Variants in PITPNM2 observed in about 807,000 individuals in gnomAD.
PITPNM2 encodes phosphatidylinositol transfer protein membrane associated 2, also known as membrane-associated phosphatidylinositol transfer protein 2.
Under a neutral mutation model 132.2 loss-of-function variants are expected in PITPNM2, and 35 were observed. That is an observed-to-expected ratio of 0.26 (90% confidence interval 0.20 to 0.35). PITPNM2 has a LOEUF of 0.35. Ranked by LOEUF, PITPNM2 falls within the 10% of genes least tolerant of loss-of-function variation. PITPNM2 has a pLI of 1.00. For synonymous variants in PITPNM2, 738 were observed against 799.2 expected, an observed-to-expected ratio of 0.92 and a Z score of 1.29; for missense variants, 1,332 against 1,912.0, an observed-to-expected ratio of 0.70 and a Z score of 5.66.
chr12:123,048,173 A>G (rs1270604297), intron 2 of PITPNM2, among the ~76,000 whole-genome samples: 1 of 152,116 alleles, frequency 6.6e-6, no homozygotes, highest in Admixed American at 6.6e-5. Context: ...GGTGGGGGGA[A>G]CCTGATGGGA....
rs140741400 is a variant in PITPNM2 at position 122,997,543 on chromosome 12, C to T, written c.1254G>A (p.Pro418=). 4.2e-5 allele frequency: 67 copies of T among 1,612,368 alleles called. No homozygotes were observed. Among genetic ancestry groups the T allele is most frequent in the Admixed American group, 1.7e-4 (10 of 60,018 alleles). ...GTAGCAGCACGTGGATCTTGGAGGG[C>T]GGTGCAGCCAGCGGCTGGCTAACCT... ...EDEVSQPLAA[P]PSKIHVLLLV... Residue 418 remains proline (P), a synonymous_variant, in exon 11 of 26, where the codon CCG becomes CCA. Transcript: ENST00000320201.
At chr12:123,126,969 G>A (rs2043151846) in intron 1 of PITPNM2, among the ~76,000 whole-genome samples, 1 of 152,266 alleles carries the variant, frequency 6.6e-6, no homozygotes, top group African/African-American at 2.4e-5. Context: ...CTGGGGTCTC[G>A]TCCAAACACT....
At chr12:122,987,249 A>G in intron 23 of PITPNM2, 32 bp downstream of exon 23, 1 of 1,606,580 alleles carries the variant, frequency 6.2e-7, no homozygotes, top group Non-Finnish European at 8.5e-7. Context: ...CCACCTTGCT[A>G]CAGCCCCTTT....
chr12:122,988,216 C>A lies in PITPNM2; in HGVS notation c.2997+18G>T, dbSNP rs368394366. 1.2e-6 allele frequency: 2 copies of A among 1,604,616 alleles called. No individual in the cohort carries two copies. The highest frequency in any genetic ancestry group is 2.7e-5 in the African/African-American group (2 of 74,792). Reference sequence around the variant, plus strand: ...CAGGGTGACATCGTGGGGGCCTGGGCGCCCGGGGGACCCTCACCCGCAGCT... The same window carrying A: ...CAGGGTGACATCGTGGGGGCCTGGGAGCCCGGGGGACCCTCACCCGCAGCT... On this transcript the variant is annotated intron_variant, in intron 20 of 25. Coordinates refer to ENST00000320201, the MANE Select transcript of PITPNM2 (RefSeq NM_020845.3).
chr12:123,018,073 C>CTCTCTT (rs953806838), intron 3 of PITPNM2, among the ~76,000 whole-genome samples: 1 of 135,072 alleles, frequency 7.4e-6, no homozygotes, highest in East Asian at 2.5e-4. Context: ...CTCTCTCTCT[C>CTCTCTT]TCTCTTTCTC....
chr12:123,125,121 C>G (rs2043111643), intron 1 of PITPNM2, among the ~76,000 whole-genome samples: 1 of 152,142 alleles, frequency 6.6e-6, no homozygotes, highest in Non-Finnish European at 1.5e-5. Context: ...CCATGCCCAG[C>G]TAATTTTTGT....
intron 23 of PITPNM2, among the ~76,000 whole-genome samples, 171 bp from the exon 24 acceptor site, chr12:122,987,000 C>T (rs1333710434): frequency 1.3e-5 from 2 of 152,268 alleles, no homozygotes; most frequent in East Asian, 1.9e-4. Context: ...CTTGGGTGCC[C>T]GCACTGGGCG....
chr12:123,050,914 C>A (rs546808894), intron 2 of PITPNM2, among the ~76,000 whole-genome samples: 5 of 152,192 alleles, frequency 3.3e-5, no homozygotes, highest in Non-Finnish European at 5.9e-5. Flanking sequence ...ATTTGGAAAG[C>A]CCCATGGGCA....
At chr12:122,990,184 C>T (rs2038125891) in intron 17 of PITPNM2, among the ~76,000 whole-genome samples, 1 of 152,260 alleles carries the variant, frequency 6.6e-6, no homozygotes, top group South Asian at 2.1e-4. Flanking sequence ...GGGCGCAGCC[C>T]CTGGCGGGGA....
Position 123,008,014 on chromosome 12 carries a change from G to A in PITPNM2, c.643+1836C>T, listed in dbSNP as rs750854889. On this transcript the variant is annotated intron_variant, in intron 6 of 25. Coordinates refer to ENST00000320201, the MANE Select transcript of PITPNM2 (RefSeq NM_020845.3). The surrounding 1 kb of genome is among the most constrained non-coding windows in gnomAD (Gnocchi z 4.1). Reference sequence around the variant, plus strand: ...ACCCCATCTTCAGTTCTGAACCCACGGTCTCGGCCCACAACAGTCCGATAG... The same window carrying A: ...ACCCCATCTTCAGTTCTGAACCCACAGTCTCGGCCCACAACAGTCCGATAG... Among the ~76,000 whole-genome samples, 4 of 152,154 alleles carry A rather than the reference G, an allele frequency of 2.6e-5. No individual in the cohort carries two copies. Among genetic ancestry groups the A allele is most frequent in the East Asian group, 1.9e-4 (1 of 5,192 alleles).
At chr12:123,110,693 C>T (rs2042817479) in intron 1 of PITPNM2, among the ~76,000 whole-genome samples, 2 of 152,200 alleles carry the variant, frequency 1.3e-5, no homozygotes, top group Admixed American at 1.3e-4. Context: ...GTGACAGATA[C>T]ACCCCAACAT....
At chr12:123,142,463 C>T (rs2043525097) in intron 1 of PITPNM2, among the ~76,000 whole-genome samples, 1 of 152,146 alleles carries the variant, frequency 6.6e-6, no homozygotes, top group African/African-American at 2.4e-5. Flanking sequence ...AGAGTGCTTT[C>T]AGAATTCTTG....
rs571693213 is a variant in PITPNM2 at position 123,126,328 on chromosome 12, A to C, written c.-199-15840T>G. 3.3e-5 allele frequency among the ~76,000 whole-genome samples: 5 copies of C among 152,264 alleles called. No individual in the cohort carries two copies. In the South Asian group the frequency reaches 1.0e-3, roughly 32 times the overall value. On this transcript the variant is annotated intron_variant, in intron 1 of 25. Coordinates refer to ENST00000320201, the MANE Select transcript of PITPNM2 (RefSeq NM_020845.3). ...TAAGCTTGGGAATTCTTGCCCTATT[A>C]ACCTCTCACTCTTGCCCTACTATTC...
chr12:123,044,643 C>A (rs2040594339), intron 2 of PITPNM2, among the ~76,000 whole-genome samples: 1 of 152,174 alleles, frequency 6.6e-6, no homozygotes, highest in Non-Finnish European at 1.5e-5. Flanking sequence ...GTGCTTACTC[C>A]TCTGGGCCAG....
At chr12:123,088,048 TTCGTG>T (rs2042162770) in intron 2 of PITPNM2, 1 of 152,228 alleles carries the variant, frequency 6.6e-6, no homozygotes, top group Non-Finnish European at 1.5e-5. Flanking sequence ...CTGTTCACAC[TTCGTG>T]TCGAGTCCAG....
At chr12:123,066,615 C>T (rs1403412629) in intron 2 of PITPNM2, among the ~76,000 whole-genome samples, 3 of 152,162 alleles carry the variant, frequency 2.0e-5, no homozygotes, top group Admixed American at 2.0e-4. Context: ...GCTTAACCAC[C>T]CCCTGGGATG....
In PITPNM2 at chr12:122,984,471, A is replaced by G. The variant is rs926562130; in HGVS notation, c.*1556T>C. On this transcript the variant is annotated 3_prime_UTR_variant, in exon 26 of 26. Transcript: ENST00000320201. Reference sequence around the variant, plus strand: ...CGTTGCTTTATACATAATGCCTGAAACAACAAAAAGCTACATCTTAAATAT... The same window carrying G: ...CGTTGCTTTATACATAATGCCTGAAGCAACAAAAAGCTACATCTTAAATAT... 1 of 152,590 alleles carries G rather than the reference A, an allele frequency of 6.6e-6. No homozygotes were observed. Among genetic ancestry groups the G allele is most frequent in the African/African-American group, 2.4e-5 (1 of 41,472 alleles). 9.5% of individuals were successfully genotyped at this position (152,590 alleles called of 1,614,324 possible).
At chr12:123,035,194 A>G (rs76008039) in intron 2 of PITPNM2, among the ~76,000 whole-genome samples, 2 of 152,354 alleles carry the variant, frequency 1.3e-5, no homozygotes, top group East Asian at 3.8e-4. Flanking sequence ...GAGTGATTTA[A>G]CGTTTGGTTT....
intron 5 of PITPNM2, among the ~76,000 whole-genome samples, 185 bp downstream of exon 5, chr12:123,012,428 T>C (rs1474809639): frequency 6.6e-6 from 1 of 152,122 alleles, no homozygotes; most frequent in Admixed American, 6.5e-5. Context: ...ATCAGGAGAA[T>C]GGGGCTGAGA....
Sources: gnomAD v4.1 joint callset for allele counts (sites outside exome capture counted in the v4.1 genomes callset) on GRCh38, gnomAD v4.1.1 for gene constraint, Gnocchi (gnomAD v3.1) non-coding constraint, MANE v1.5 for transcripts, NCBI Gene and HGNC (gene_info 2026-07-23, HGNC 2026-07-21) for gene names.